The following IWS1 variants were observed in gnomAD, a reference collection of about 807,000 sequenced individuals.
IWS1 encodes interacts with SUPT6H, CTD assembly factor 1, also known as protein IWS1 homolog.
Under a neutral mutation model 86.7 loss-of-function variants are expected in IWS1, and 27 were observed. That is an observed-to-expected ratio of 0.31 (90% CI 0.23 to 0.43). The LOEUF is 0.43. IWS1 is among the 20% of genes least tolerant of loss of function. The probability of loss-of-function intolerance (pLI) is 1.00; values close to 1 mark genes in which losing one functional copy is unlikely to be tolerated. For missense variants in IWS1, 827 were observed against 1,000.8 expected (o/e 0.83, Z 2.34); for synonymous variants, 313 against 335.1 (o/e 0.93, Z 0.72).
At chr2:127,526,077 TC>T in intron 1 of IWS1, 97 bp downstream of exon 1, 1 of 1,223,550 alleles carries the variant, frequency 8.2e-7, no homozygotes, top group Non-Finnish European at 1.1e-6. Context: ...AGGGAAGGTT[TC>T]GGGGGGCCTC....
rs911262954 is a variant in IWS1 at position 127,524,593 on chromosome 2, C to T, written c.35-802G>A. ...TGCTCTTTTGGCCCAGGCTGGAGTG[C>T]AATGGTGTGATCTCAGCTCACTGCA... is the stretch of plus-strand genomic sequence containing the variant. On this transcript the variant is annotated intron_variant, in intron 1 of 13. Coordinates refer to ENST00000295321, the MANE Select transcript of IWS1 (RefSeq NM_017969.3). 7.9e-5 allele frequency among the ~76,000 whole-genome samples: 12 copies of T among 151,174 alleles called. 1 individual carries two copies. The highest frequency in any genetic ancestry group is 6.6e-4 in the Admixed American group (10 of 15,190).
At position 127,494,873 on chromosome 2, in the gene IWS1, T is replaced by A; in HGVS notation, c.1798A>T (p.Lys600Ter). ...TTTTAAAGAAAACAAAATACTTACT[T>A]CTTAAGGTGCATAACTACAGCAGGC... ...LLPAVVMHLK[K>*]QDLKETFIDS... The change falls in exon 8 of 14, where the codon AAG becomes TAG. Residue 600 changes from lysine to a stop codon, truncating the protein, a stop_gained and splice_region_variant. Transcript: ENST00000295321. LOFTEE classifies it high-confidence loss of function. The A allele has an allele frequency of 6.4e-7, 1 of 1,565,830 alleles. No individual in the cohort carries two copies. The highest frequency in any genetic ancestry group is 8.7e-7 in the Non-Finnish European group (1 of 1,149,636).
chr2:127,519,674 T>C (rs1691979518), intron 2 of IWS1, among the ~76,000 whole-genome samples: 1 of 152,222 alleles, frequency 6.6e-6, no homozygotes, highest in African/African-American at 2.4e-5. Context: ...TTCTAACCCT[T>C]GGAACCTGTG....
At chr2:127,504,205 G>C (rs866268122) in intron 3 of IWS1, among the ~76,000 whole-genome samples, 1 of 152,210 alleles carries the variant, frequency 6.6e-6, no homozygotes, top group East Asian at 1.9e-4. Flanking sequence ...GAGAGATGGT[G>C]TCTCTAAATA....
intron 13 of IWS1, chr2:127,483,116 A>G (rs1381048810): frequency 6.6e-6 from 1 of 152,176 alleles, no homozygotes; most frequent in Admixed American, 6.6e-5. Context: ...AAATGTTAAC[A>G]TTAAGTTGTG....
intron 2 of IWS1, among the ~76,000 whole-genome samples, chr2:127,509,887 C>G (rs1205039932): frequency 6.6e-6 from 1 of 152,094 alleles, no homozygotes; most frequent in Non-Finnish European, 1.5e-5. Flanking sequence ...AGAGAGATAA[C>G]TGACATTCTT....
chr2:127,515,389 GCT>G (rs1455432495), intron 2 of IWS1, among the ~76,000 whole-genome samples: 1 of 152,198 alleles, frequency 6.6e-6, no homozygotes, highest in Non-Finnish European at 1.5e-5. Flanking sequence ...ACACAAGGCT[GCT>G]CTCTCTGGAG....
At chr2:127,512,782 C>T (rs1358730949) in intron 2 of IWS1, among the ~76,000 whole-genome samples, 2 of 152,164 alleles carry the variant, frequency 1.3e-5, no homozygotes, top group African/African-American at 4.8e-5. Flanking sequence ...ATAGGTCTGC[C>T]GCACCCACAT....
At chr2:127,497,221 G>C (rs924668636) in intron 6 of IWS1, among the ~76,000 whole-genome samples, 1 of 152,022 alleles carries the variant, frequency 6.6e-6, no homozygotes, top group Non-Finnish European at 1.5e-5. Flanking sequence ...CATATAAATC[G>C]CTAATAGCCC....
chr2:127,515,007 T>C (rs1691692981), intron 2 of IWS1: 1 of 152,238 alleles, frequency 6.6e-6, no homozygotes, highest in Non-Finnish European at 1.5e-5. Context: ...ACAAGTAACA[T>C]GTTCAATTCT....
In IWS1 at chr2:127,499,241, C is replaced by T. The variant is rs1289078466; in HGVS notation, c.1468-1004G>A. Among the ~76,000 whole-genome samples the T allele has an allele frequency of 6.6e-6, 1 of 152,026 alleles. No individual in the cohort carries two copies. Among genetic ancestry groups the T allele is most frequent in the African/African-American group, 2.4e-5 (1 of 41,384 alleles). Reference sequence around the variant, plus strand: ...GAGTAGCTGGGACTACAGGCGCCTGCCACCATGCCCAGCTAATTTTTCGTA... The same window carrying T: ...GAGTAGCTGGGACTACAGGCGCCTGTCACCATGCCCAGCTAATTTTTCGTA... On this transcript the variant is annotated intron_variant, in intron 5 of 13. Coordinates refer to ENST00000295321, the MANE Select transcript of IWS1 (RefSeq NM_017969.3). This position sits in a 1 kb window ranked among gnomAD's most constrained non-coding sequence, Gnocchi z 4.0.
rs1455662506 is a variant in IWS1 at position 127,499,819 on chromosome 2, T to C, written c.1468-1582A>G. On this transcript the variant is annotated intron_variant, in intron 5 of 13. Coordinates refer to ENST00000295321, the MANE Select transcript of IWS1 (RefSeq NM_017969.3). This position sits in a 1 kb window ranked among gnomAD's most constrained non-coding sequence, Gnocchi z 4.0. ...TGAGCGGCAAACAGATTGGAAAATA[T>C]ATACAGACACTTGATATATGACAAA... is the stretch of plus-strand genomic sequence containing the variant. Among the ~76,000 whole-genome samples the C allele has an allele frequency of 6.6e-6, 1 of 152,084 alleles. No individual in the cohort carries two copies. Among genetic ancestry groups the C allele is most frequent in the Non-Finnish European group, 1.5e-5 (1 of 68,010 alleles).
chr2:127,487,862 T>G (rs1364063537), intron 12 of IWS1: 2 of 152,372 alleles, frequency 1.3e-5, no homozygotes, highest in Non-Finnish European at 2.9e-5. Flanking sequence ...CCTTAAACTT[T>G]TATAACCTTC....
chr2:127,494,270 A>G (rs956118679), intron 8 of IWS1, among the ~76,000 whole-genome samples: 34 of 150,922 alleles, frequency 2.3e-4, no homozygotes, highest in Admixed American at 1.3e-4. Flanking sequence ...AAAAAAAGCA[A>G]ATCAATGAAA....
Position 127,498,125 on chromosome 2 carries a change from TA to T in IWS1, c.1565+14del, listed in dbSNP as rs764843527. ...TTAAACTTCTCTTTAACAAATTCCTTAAAAACAAACTTACTGTTTTCCTCTC... is the reference window on the plus strand; with the variant it reads ...TTAAACTTCTCTTTAACAAATTCCTTAAAACAAACTTACTGTTTTCCTCTC... On this transcript the variant is annotated intron_variant, in intron 6 of 13. Transcript: ENST00000295321. The T allele has an allele frequency of 6.4e-7, 1 of 1,554,910 alleles. No homozygotes were observed. The highest frequency in any genetic ancestry group is 1.4e-5 in the African/African-American group (1 of 73,480).
At chr2:127,525,132 TG>T (rs1484704860) in intron 1 of IWS1, among the ~76,000 whole-genome samples, 1 of 40,592 alleles carries the variant, frequency 2.5e-5, no homozygotes, top group African/African-American at 1.1e-4. Context: ...GGTACGGGCA[TG>T]GGGGGTGGGG....
chr2:127,522,419 T>TA (rs202038281), intron 2 of IWS1, among the ~76,000 whole-genome samples: 10 of 151,682 alleles, frequency 6.6e-5, no homozygotes, highest in East Asian at 3.9e-4. Flanking sequence ...ACTACACAAT[T>TA]AAAAAAAAAT....
In IWS1 at chr2:127,504,976, C is replaced by G. The variant is rs1404030855; in HGVS notation, c.927G>C (p.Lys309Asn). The G allele has an allele frequency of 6.2e-7, 1 of 1,614,140 alleles. No individual in the cohort carries two copies. Among genetic ancestry groups the G allele is most frequent in the Admixed American group, 1.7e-5 (1 of 60,006 alleles). ...CAGTTTCTGAGTCACTGGCAGGCCC[C>G]TTCTGAGGCCCCTCACTCTCAGAGT... ...VSDSESEGPQ[K>N]GPASDSETED... is the part of the protein sequence containing the mutation. Residue 309 changes from lysine (K) to asparagine (N), a missense_variant, in exon 3 of 14, where the codon AAG becomes AAC. Lys to Asn is a moderately conservative substitution (Grantham distance 94, BLOSUM62 0). This residue lies in a region of IWS1 where 548 missense variants were observed against 560.2 expected (regional missense o/e 0.98). Transcript: ENST00000295321.
At chr2:127,491,897 C>T in intron 10 of IWS1, 74 bp downstream of exon 10, 1 of 874,418 alleles carries the variant, frequency 1.1e-6, no homozygotes, top group Non-Finnish European at 1.9e-6. Context: ...GGTAAAAATA[C>T]AGCTTTTATA....
Sources: allele counts gnomAD v4.1 joint callset (sites outside exome capture counted in the v4.1 genomes callset), GRCh38; gene constraint gnomAD v4.1.1; regional missense constraint gnomAD v4.1.1; non-coding constraint Gnocchi (gnomAD v3.1); transcripts MANE v1.5; gene names NCBI Gene and HGNC (gene_info 2026-07-23, HGNC 2026-07-21).